The following ANO3 variants were observed in gnomAD, a reference collection of about 807,000 sequenced individuals.
The protein encoded by ANO3 is anoctamin-3.
In ANO3, 99 loss-of-function variants were observed where a neutral mutation model predicts 144.8. That is an observed-to-expected ratio of 0.68 (90% confidence interval 0.58 to 0.81). The LOEUF (loss-of-function observed/expected upper bound fraction) is 0.81, where lower values mean the gene tolerates loss of function less well. Among genes scored for constraint, ANO3 ranks in the 30% least tolerant of loss-of-function variants. The pLI, the probability that ANO3 is intolerant of heterozygous loss-of-function variation, is 0.00. For synonymous variants in ANO3, 414 were observed against 392.6 expected (o/e 1.05, Z -0.64); for missense variants, 905 against 1,202.2 (o/e 0.75, Z 3.66).
intron 25 of ANO3, 80 bp downstream of exon 25, chr11:26,656,285 CTGT>C: frequency 2.7e-6 from 4 of 1,486,180 alleles, no homozygotes; most frequent in Middle Eastern, 1.7e-4. Context: ...GACATTTAAA[CTGT>C]TATTTTGGCA....
intron 1 of ANO3, among the ~76,000 whole-genome samples, chr11:26,314,250 C>T (rs1854571006): frequency 6.6e-6 from 1 of 152,006 alleles, no homozygotes; most frequent in African/African-American, 2.4e-5. Flanking sequence ...CTTTTGAGTC[C>T]GATTATCTGC....
chr11:26,354,015 A>G (rs1409118161), intron 1 of ANO3, among the ~76,000 whole-genome samples: 2 of 152,204 alleles, frequency 1.3e-5, no homozygotes, highest in Non-Finnish European at 2.9e-5. Flanking sequence ...GTTGAAATGC[A>G]AGGGTGATGA....
At position 26,259,378 on chromosome 11, in the gene ANO3, G is replaced by T. The variant is rs1218839158; in HGVS notation, c.155-50267G>T. Among the ~76,000 whole-genome samples the T allele has an allele frequency of 4.6e-5, 7 of 152,252 alleles. No homozygotes were observed. The East Asian group carries it at 1.4e-3, about 29-fold the overall frequency. ...GAAAGTGATAAAAATGGCCAGGCAT[G>T]GTGGCTCACGCCTATAATTCCACCT... On this transcript the variant is annotated intron_variant, in intron 1 of 27. Transcript: ENST00000672621.
At chr11:26,632,048 C>T (rs1238081758) in intron 18 of ANO3, among the ~76,000 whole-genome samples, 2 of 151,820 alleles carry the variant, frequency 1.3e-5, no homozygotes, top group African/African-American at 4.8e-5. Context: ...AAAAGTTAGC[C>T]AAGCATGGTG....
At chr11:26,535,571 CTTTTTTTTTTTT>C (rs72278856) in intron 9 of ANO3, among the ~76,000 whole-genome samples, 9 of 58,610 alleles carry the variant, frequency 1.5e-4, no homozygotes, top group African/African-American at 3.8e-4. Context: ...AAGACAGCCA[CTTTTTTTTTTTT>C]TTTTTTTTTT....
At chr11:26,261,272 A>T (rs1311254731) in intron 1 of ANO3, among the ~76,000 whole-genome samples, 1 of 152,040 alleles carries the variant, frequency 6.6e-6, no homozygotes, top group Non-Finnish European at 1.5e-5. Flanking sequence ...ACACTTATTT[A>T]TTACACAGAT....
intron 1 of ANO3, among the ~76,000 whole-genome samples, chr11:26,259,958 A>G (rs1219641086): frequency 6.6e-6 from 1 of 152,008 alleles, no homozygotes. Context: ...ACCACAGTAA[A>G]AGGACCTCAC....
At chr11:26,339,423 G>A (rs1855293030) in intron 1 of ANO3, among the ~76,000 whole-genome samples, 2 of 151,992 alleles carry the variant, frequency 1.3e-5, no homozygotes, top group Admixed American at 6.6e-5. Flanking sequence ...CAAAGTGCTG[G>A]GAATTACAGG....
chr11:26,400,096 A>G (rs897232682), intron 1 of ANO3, among the ~76,000 whole-genome samples: 3 of 150,670 alleles, frequency 2.0e-5, no homozygotes, highest in East Asian at 2.0e-4. Context: ...TGTACAAAGC[A>G]AAGTTTTTTT....
At chr11:26,456,007 A>C (rs1157616926) in intron 3 of ANO3, among the ~76,000 whole-genome samples, 3 of 151,492 alleles carry the variant, frequency 2.0e-5, no homozygotes, top group African/African-American at 7.3e-5. Context: ...GTGCTGGGAA[A>C]ACTGGCTAGC....
chr11:26,285,430 T>A (rs1432109311), intron 1 of ANO3, among the ~76,000 whole-genome samples: 5 of 152,216 alleles, frequency 3.3e-5, no homozygotes, highest in African/African-American at 7.2e-5. Context: ...TTCTTATTCT[T>A]ATTTTAAATG....
At chr11:26,292,562 C>A (rs950449561) in intron 1 of ANO3, among the ~76,000 whole-genome samples, 1 of 152,074 alleles carries the variant, frequency 6.6e-6, no homozygotes, top group South Asian at 2.1e-4. Flanking sequence ...ATCTACCTTT[C>A]GTATTTGATG....
At chr11:26,639,328 C>A in intron 21 of ANO3, 87 bp downstream of exon 21, 1 of 950,718 alleles carries the variant, frequency 1.1e-6, no homozygotes, top group Non-Finnish European at 1.7e-6. Context: ...AGAATTTGGT[C>A]TTGGTAATCA....
intron 1 of ANO3, among the ~76,000 whole-genome samples, chr11:26,345,290 T>A (rs1309806459): frequency 6.6e-6 from 1 of 152,174 alleles, no homozygotes; most frequent in Non-Finnish European, 1.5e-5. Flanking sequence ...CACGGTGGCT[T>A]ATGCCTGTAA....
upstream of ANO3, among the ~76,000 whole-genome samples, chr11:26,308,520 T>C (rs1283890164): frequency 6.6e-6 from 1 of 152,228 alleles, no homozygotes; most frequent in African/African-American, 2.4e-5. Flanking sequence ...TTACAGAATT[T>C]TTTTTCTGTT....
At chr11:26,392,446 T>C (rs1230446976) in intron 1 of ANO3, among the ~76,000 whole-genome samples, 3 of 152,058 alleles carry the variant, frequency 2.0e-5, no homozygotes, top group Non-Finnish European at 4.4e-5. Flanking sequence ...AGGCTTTGAA[T>C]TAATATGACC....
At chr11:26,231,301 T>C (rs1292773363) in intron 1 of ANO3, among the ~76,000 whole-genome samples, 1 of 152,174 alleles carries the variant, frequency 6.6e-6, no homozygotes, top group African/African-American at 2.4e-5. Context: ...CTTTGGAGAA[T>C]GTGTTCTAGT....
At chr11:26,333,404 C>A (rs1855109504) in intron 1 of ANO3, among the ~76,000 whole-genome samples, 1 of 151,860 alleles carries the variant, frequency 6.6e-6, no homozygotes, top group African/African-American at 2.4e-5. Context: ...GCCTCAGCCT[C>A]CTGAGTAGCT....
chr11:26,383,228 T>A (rs1447948504), intron 1 of ANO3, among the ~76,000 whole-genome samples: 1 of 152,176 alleles, frequency 6.6e-6, no homozygotes, highest in African/African-American at 2.4e-5. Context: ...ATTAGCAGAT[T>A]AAACACTCAA....
Sources: gnomAD v4.1 joint callset for allele counts (sites outside exome capture counted in the v4.1 genomes callset) on GRCh38, gnomAD v4.1.1 for gene constraint, MANE v1.5 for transcripts, NCBI Gene and HGNC (gene_info 2026-07-23, HGNC 2026-07-21) for gene names.